The following RANBP2 variants were observed in gnomAD, a reference collection of about 807,000 sequenced individuals.
The protein encoded by RANBP2 is RAN binding protein 2.
In RANBP2, 57 loss-of-function variants were observed where a neutral mutation model predicts 303.6. The observed-to-expected ratio is 0.19, with a 90% CI of 0.15 to 0.23. The LOEUF is 0.23. RANBP2 is among the 10% of genes least tolerant of loss of function. The pLI, the probability that RANBP2 is intolerant of heterozygous loss-of-function variation, is 1.00. For synonymous variants in RANBP2, 1,167 were observed against 1,301.5 expected (o/e 0.90, Z 2.23); for missense variants, 3,138 against 3,780.8 (o/e 0.83, Z 4.46).
the RANBP2 span, among the ~76,000 whole-genome samples, chr2:109,034,997 G>T: frequency 6.6e-6 from 1 of 152,188 alleles, no homozygotes; most frequent in South Asian, 2.1e-4. Flanking sequence ...CTGACACTTG[G>T]TGGGGGCCAT....
At chr2:109,590,385 G>C in the RANBP2 span, among the ~76,000 whole-genome samples, 1 of 151,900 alleles carries the variant, frequency 6.6e-6, no homozygotes, top group Admixed American at 6.6e-5. Flanking sequence ...CTTCGGAAGG[G>C]AGACTATCCT....
chr2:108,904,110 A>G, the RANBP2 span, among the ~76,000 whole-genome samples: 1 of 152,164 alleles, frequency 6.6e-6, no homozygotes, highest in Non-Finnish European at 1.5e-5. Flanking sequence ...AACCCTCAAA[A>G]CTCAACAGCA....
chr2:109,777,292 T>G, the RANBP2 span, among the ~76,000 whole-genome samples: 1 of 148,880 alleles, frequency 6.7e-6, no homozygotes, highest in Admixed American at 6.9e-5. Flanking sequence ...CTACATGTAT[T>G]GAGATGGTCA....
the RANBP2 span, among the ~76,000 whole-genome samples, chr2:109,286,882 C>G: frequency 1.3e-5 from 2 of 152,130 alleles, no homozygotes; most frequent in African/African-American, 2.4e-5. Context: ...CCGGTCTGTC[C>G]CCAGAGAAAG....
At chr2:108,921,626 C>T in the RANBP2 span, among the ~76,000 whole-genome samples, 10 of 152,324 alleles carry the variant, frequency 6.6e-5, no homozygotes, top group Admixed American at 3.9e-4. Flanking sequence ...CTCCATGGGG[C>T]TTTCTAGCTC....
chr2:108,974,901 G>A, the RANBP2 span, among the ~76,000 whole-genome samples: 1 of 152,158 alleles, frequency 6.6e-6, no homozygotes, highest in Non-Finnish European at 1.5e-5. Flanking sequence ...CTGCATGCTG[G>A]AGCTCTAGCC....
the RANBP2 span, among the ~76,000 whole-genome samples, chr2:109,560,640 G>C: frequency 6.6e-6 from 1 of 152,050 alleles, no homozygotes; most frequent in African/African-American, 2.4e-5. Flanking sequence ...TTGTCACTTT[G>C]CTGTTTCAGA....
chr2:109,519,829 C>G, the RANBP2 span, among the ~76,000 whole-genome samples: 4,232 of 152,150 alleles, frequency 0.028, 213 homozygotes, highest in African/African-American at 0.096. Context: ...CCTGAAATTA[C>G]GAAATGATAG....
the RANBP2 span, among the ~76,000 whole-genome samples, chr2:109,330,951 G>A: frequency 2.6e-5 from 4 of 152,210 alleles, no homozygotes; most frequent in African/African-American, 9.6e-5. Flanking sequence ...TCCCCAGCAA[G>A]TGTGTGTTGA....
At chr2:108,877,713 A>G in the RANBP2 span, among the ~76,000 whole-genome samples, 5 of 152,216 alleles carry the variant, frequency 3.3e-5, no homozygotes, top group African/African-American at 4.8e-5. Flanking sequence ...CGGAAGCAAT[A>G]TTCAGAAATA....
the RANBP2 span, among the ~76,000 whole-genome samples, chr2:109,619,316 G>GT: frequency 6.6e-6 from 1 of 152,124 alleles, no homozygotes; most frequent in Admixed American, 6.5e-5. Context: ...TGGAGAGAAG[G>GT]TAATACCTCC....
chr2:108,956,437 C>T, the RANBP2 span, among the ~76,000 whole-genome samples: 1 of 152,186 alleles, frequency 6.6e-6, no homozygotes, highest in African/African-American at 2.4e-5. Flanking sequence ...CACTCAAATC[C>T]CTCCATGTCC....
chr2:109,336,715 C>A, the RANBP2 span, among the ~76,000 whole-genome samples: 3 of 152,356 alleles, frequency 2.0e-5, no homozygotes, highest in South Asian at 6.2e-4. Context: ...GTAAAAGCAA[C>A]TGCAACATCC....
the RANBP2 span, among the ~76,000 whole-genome samples, chr2:108,796,345 C>T: frequency 1.3e-5 from 2 of 152,270 alleles, no homozygotes; most frequent in Non-Finnish European, 2.9e-5. Context: ...TGAGCCACCG[C>T]GCCTGGCCAA....
At chr2:109,158,521 G>C in the RANBP2 span, among the ~76,000 whole-genome samples, 123,822 of 152,092 alleles carry the variant, frequency 0.81, 50,558 homozygotes, top group East Asian at 0.89. Context: ...GGCTGGGGGA[G>C]CTGGATGGTG....
At chr2:109,282,085 C>T in the RANBP2 span, among the ~76,000 whole-genome samples, 26 of 152,066 alleles carry the variant, frequency 1.7e-4, no homozygotes, top group African/African-American at 6.0e-4. Flanking sequence ...CATGGCGAAG[C>T]CTGTCTCTAG....
chr2:109,235,952 A>G, the RANBP2 span, among the ~76,000 whole-genome samples: 1 of 152,210 alleles, frequency 6.6e-6, no homozygotes, highest in East Asian at 1.9e-4. Flanking sequence ...ACCTTGACCT[A>G]TTATAATATG....
chr2:108,949,962 T>C, the RANBP2 span, among the ~76,000 whole-genome samples: 1 of 152,208 alleles, frequency 6.6e-6, no homozygotes, highest in Non-Finnish European at 1.5e-5. Flanking sequence ...CAAATGTATA[T>C]GGGAGTAGGG....
the RANBP2 span, among the ~76,000 whole-genome samples, chr2:109,470,531 G>A: frequency 6.6e-6 from 1 of 152,174 alleles, no homozygotes; most frequent in African/African-American, 2.4e-5. Flanking sequence ...TATTTGTGGA[G>A]CACCCACTTT....
Sources: gnomAD v4.1 joint callset for allele counts (sites outside exome capture counted in the v4.1 genomes callset) on GRCh38, gnomAD v4.1.1 for gene constraint, MANE v1.5 for transcripts, NCBI Gene and HGNC (gene_info 2026-07-23, HGNC 2026-07-21) for gene names.